The following KCNH1 variants were observed in gnomAD, a reference collection of about 807,000 sequenced individuals.
KCNH1 encodes the protein potassium voltage-gated channel subfamily H member 1, also known as voltage-gated delayed rectifier potassium channel KCNH1.
KCNH1 carries 27 observed loss-of-function variants against 69.2 expected under a neutral mutation model. The observed-to-expected ratio is 0.39, with a 90% confidence interval of 0.29 to 0.54. The LOEUF is 0.54. KCNH1 is among the 20% of genes least tolerant of loss of function. The pLI, the probability that KCNH1 is intolerant of heterozygous loss-of-function variation, is 0.68. For synonymous variants in KCNH1, 456 were observed against 487.7 expected (o/e 0.93, Z 0.86); for missense variants, 798 against 1,261.6 (o/e 0.63, Z 5.57).
At chr1:210,900,883 G>A (rs1686980673) in intron 7 of KCNH1, among the ~76,000 whole-genome samples, 1 of 151,918 alleles carries the variant, frequency 6.6e-6, no homozygotes, top group Admixed American at 6.6e-5. Flanking sequence ...CCCAACTTTA[G>A]TACCGTGTTA....
chr1:210,737,739 C>G (rs548039871), intron 10 of KCNH1, among the ~76,000 whole-genome samples: 2 of 152,296 alleles, frequency 1.3e-5, no homozygotes, highest in African/African-American at 4.8e-5. Flanking sequence ...TTGCAACTGT[C>G]CACTCTCAAA....
chr1:211,053,851 A>AT (rs767203144), intron 5 of KCNH1, among the ~76,000 whole-genome samples: 4 of 152,200 alleles, frequency 2.6e-5, no homozygotes, highest in Non-Finnish European at 4.4e-5. Flanking sequence ...AAGAGAGAGG[A>AT]TTTAAGGTGT....
chr1:210,887,173 G>A (rs1574318236), intron 7 of KCNH1, among the ~76,000 whole-genome samples: 1 of 152,176 alleles, frequency 6.6e-6, no homozygotes, highest in Non-Finnish European at 1.5e-5. Context: ...ACAAAGGGAA[G>A]CCCATCAGAC....
At chr1:210,882,296 G>C (rs1686512956) in intron 7 of KCNH1, among the ~76,000 whole-genome samples, 1 of 152,138 alleles carries the variant, frequency 6.6e-6, no homozygotes, top group Non-Finnish European at 1.5e-5. Context: ...ACACCAAGCA[G>C]GTAAGCAATA....
At chr1:210,725,786 T>C (rs1682576139) in intron 10 of KCNH1, among the ~76,000 whole-genome samples, 1 of 152,180 alleles carries the variant, frequency 6.6e-6, no homozygotes, top group Non-Finnish European at 1.5e-5. Flanking sequence ...AACCAGCCCT[T>C]ACATATCCAT....
chr1:210,794,640 T>A (rs1327215129), intron 9 of KCNH1, among the ~76,000 whole-genome samples: 1 of 152,176 alleles, frequency 6.6e-6, no homozygotes, highest in Non-Finnish European at 1.5e-5. Flanking sequence ...CCTCTATGCC[T>A]AAGTCTAGGT....
chr1:210,891,812 C>A lies in KCNH1; in HGVS notation c.1462+27828G>T, dbSNP rs147621151. Among the ~76,000 whole-genome samples the A allele has an allele frequency of 2.1e-3, 326 of 152,204 alleles. 3 individuals are homozygous for A. The highest frequency in any genetic ancestry group is 7.8e-3 in the African/African-American group (322 of 41,524). ...CACAATAGCAAGACTTGGAACCAAC[C>A]CAAATGCCTATCAGTGATAGACTGG... On this transcript the variant is annotated intron_variant, in intron 7 of 10. Coordinates refer to ENST00000271751, the MANE Select transcript of KCNH1 (RefSeq NM_172362.3).
At chr1:210,980,374 A>G (rs1401275641) in intron 6 of KCNH1, among the ~76,000 whole-genome samples, 1 of 152,198 alleles carries the variant, frequency 6.6e-6, no homozygotes, top group Non-Finnish European at 1.5e-5. Context: ...TGCTGCCTTA[A>G]GTTACCTTCC....
intron 6 of KCNH1, among the ~76,000 whole-genome samples, chr1:210,987,188 A>T (rs1397883183): frequency 1.3e-5 from 2 of 151,836 alleles, no homozygotes; most frequent in Non-Finnish European, 2.9e-5. Context: ...CATTCGTCTA[A>T]TTTTTTTCAA....
intron 7 of KCNH1, among the ~76,000 whole-genome samples, chr1:210,883,118 G>C (rs1019525960): frequency 1.3e-5 from 2 of 152,180 alleles, no homozygotes; most frequent in African/African-American, 4.8e-5. Context: ...TGCTAGGTAT[G>C]ATGGTGGGGG....
At chr1:211,011,152 C>T (rs1689384819) in intron 6 of KCNH1, among the ~76,000 whole-genome samples, 1 of 152,080 alleles carries the variant, frequency 6.6e-6, no homozygotes, top group South Asian at 2.1e-4. Context: ...CCAACAGGCC[C>T]TGGTGTGTGA....
intron 6 of KCNH1, among the ~76,000 whole-genome samples, chr1:210,925,896 C>A (rs969672977): frequency 8.5e-5 from 13 of 152,166 alleles, no homozygotes; most frequent in African/African-American, 3.1e-4. Flanking sequence ...AGTTTCTATC[C>A]TCCCTAAAGG....
rs57676423 is a variant in KCNH1, at chr1:210,982,221, TTTATTA to T, written c.1032+36556_1032+36561del. The stretch of plus-strand genomic sequence containing the variant: ...GCTACGAAAAGGATGCGAGAATACT[TTTATTA>T]TTATTATTATTATTATTATTATAAA... On this transcript the variant is annotated intron_variant, in intron 6 of 10. Transcript: ENST00000271751. Among the ~76,000 whole-genome samples the T allele has an allele frequency of 1.7e-3, 225 of 131,102 alleles. 1 individual carries two copies. Among genetic ancestry groups the T allele is most frequent in the African/African-American group, 5.8e-3 (194 of 33,574 alleles). 86.0% of individuals were successfully genotyped at this position (131,102 alleles called of 152,430 possible).
At chr1:210,811,783 T>A (rs1332865117) in intron 7 of KCNH1, among the ~76,000 whole-genome samples, 2 of 152,058 alleles carry the variant, frequency 1.3e-5, no homozygotes, top group East Asian at 3.9e-4. Flanking sequence ...CACCTCAAGG[T>A]AGATATTGTC....
intron 7 of KCNH1, among the ~76,000 whole-genome samples, chr1:210,849,025 C>G (rs192391805): frequency 2.6e-4 from 39 of 152,230 alleles, no homozygotes; most frequent in Admixed American, 1.1e-3. Flanking sequence ...AAGTAGTACA[C>G]TAAAAGGCAA....
At chr1:211,083,300 T>A (rs1265881491) in intron 4 of KCNH1, among the ~76,000 whole-genome samples, 10 of 152,254 alleles carry the variant, frequency 6.6e-5, no homozygotes, top group African/African-American at 2.2e-4. Flanking sequence ...CTCAGGCTGT[T>A]CCCAGTCCCC....
intron 6 of KCNH1, among the ~76,000 whole-genome samples, chr1:210,987,809 C>G (rs1295776686): frequency 6.6e-6 from 1 of 152,202 alleles, no homozygotes; most frequent in Non-Finnish European, 1.5e-5. Flanking sequence ...CTCTTCAAAG[C>G]TGTCAGACAG....
At chr1:211,106,658 G>A (rs1429094917) in intron 2 of KCNH1, among the ~76,000 whole-genome samples, 1 of 151,574 alleles carries the variant, frequency 6.6e-6, no homozygotes, top group African/African-American at 2.4e-5. Context: ...AGCCAGGTGT[G>A]GTGGCACGTG....
At chr1:210,870,762 TATGATA>T (rs1219991473) in intron 7 of KCNH1, among the ~76,000 whole-genome samples, 1 of 152,208 alleles carries the variant, frequency 6.6e-6, no homozygotes, top group Non-Finnish European at 1.5e-5. Context: ...CTTGGTTCTT[TATGATA>T]CTAATACATT....
Sources: gnomAD v4.1 joint callset for allele counts (sites outside exome capture counted in the v4.1 genomes callset) on GRCh38, gnomAD v4.1.1 for gene constraint, MANE v1.5 for transcripts, NCBI Gene and HGNC (gene_info 2026-07-23, HGNC 2026-07-21) for gene names.